Variants in UQCRC2 observed in about 807,000 individuals in gnomAD.
UQCRC2 encodes cytochrome b-c1 complex subunit 2, mitochondrial.
UQCRC2 carries 49 observed loss-of-function variants against 55.6 expected under a neutral mutation model. The ratio of observed to expected loss-of-function variants is 0.88; its 90% confidence interval spans 0.70 to 1.12. The LOEUF (loss-of-function observed/expected upper bound fraction) is 1.12, where lower values mean the gene tolerates loss of function less well. Ranked by LOEUF, UQCRC2 falls within the 50% of genes most tolerant of loss-of-function variation. The pLI is 0.00. For synonymous variants in UQCRC2, 193 were observed against 192.0 expected, an observed-to-expected ratio of 1.01 and a Z score of -0.04; for missense variants, 506 against 547.8, an observed-to-expected ratio of 0.92 and a Z score of 0.76.
At chr16:21,955,956 G>A (rs1183896401) in intron 1 of UQCRC2, among the ~76,000 whole-genome samples, 2 of 152,086 alleles carry the variant, frequency 1.3e-5, no homozygotes, top group African/African-American at 4.8e-5. Context: ...CTCCCCAGTA[G>A]CTGGGATTAC....
chr16:21,968,513 C>T lies in UQCRC2; in HGVS notation c.613-115C>T, dbSNP rs181926858. On this transcript the variant is annotated intron_variant, in intron 7 of 13. Transcript: ENST00000268379. ...TCAGTTAGTACCTTGTAGTTCATTA[C>T]AGCAACTTATAAGGCCTTATAAGTA... is the stretch of plus-strand genomic sequence containing the variant. 1.1e-5 allele frequency: 9 copies of T among 838,158 alleles called. No individual in the cohort carries two copies. In the Admixed American group the frequency reaches 2.4e-4, roughly 22 times the overall value. The allele number at this position is 838,158 out of a possible 1,614,324, so 51.9% of individuals were successfully genotyped here. A position where few individuals can be genotyped will look rare whatever the true frequency, so the allele number is the denominator to read the frequency against.
At chr16:21,972,313 T>A (rs1373529317) in intron 10 of UQCRC2, among the ~76,000 whole-genome samples, 191 bp downstream of exon 10, 1 of 152,214 alleles carries the variant, frequency 6.6e-6, no homozygotes, top group African/African-American at 2.4e-5. Flanking sequence ...CCACTTTGTC[T>A]ATTACTTGTC....
At chr16:21,980,859 G>A (rs545897565) in intron 13 of UQCRC2, among the ~76,000 whole-genome samples, 159 bp downstream of exon 13, 8 of 152,186 alleles carry the variant, frequency 5.3e-5, no homozygotes, top group South Asian at 2.1e-4. Context: ...CATAAGATCC[G>A]CAACAAGCTT....
At chr16:21,983,019 T>C in intron 13 of UQCRC2, 69 bp from the exon 14 acceptor site, 1 of 1,261,102 alleles carries the variant, frequency 7.9e-7, no homozygotes, top group Non-Finnish European at 1.1e-6. Context: ...AATGACAAAA[T>C]AAGTTCGCCT....
rs2141923252 is a variant in UQCRC2, at chr16:21,953,455, C to T, written c.32C>T (p.Ser11Leu). Residue 11 changes from serine (S) to leucine (L), a missense_variant and splice_region_variant, in exon 1 of 14, where the codon TCG becomes TTG. Ser to Leu is a moderately radical substitution (Grantham distance 145, BLOSUM62 -2). Transcript: ENST00000268379. ...CTACTAACCAGAGCCGGCTCTTTCTCGGTGAGCTCAGGTGGCGGGTTTGGG... is the reference window on the plus strand; with the variant it reads ...CTACTAACCAGAGCCGGCTCTTTCTTGGTGAGCTCAGGTGGCGGGTTTGGG... The part of the protein sequence containing the change: MKLLTRAGSF[S>L]RFYSLKVAPK... 2 of 1,612,858 alleles carry T rather than the reference C, an allele frequency of 1.2e-6. No individual in the cohort carries two copies. The highest frequency in any genetic ancestry group is 1.7e-6 in the Non-Finnish European group (2 of 1,179,452).
At chr16:21,955,983 G>A (rs1011593132) in intron 1 of UQCRC2, among the ~76,000 whole-genome samples, 1 of 151,926 alleles carries the variant, frequency 6.6e-6, no homozygotes, top group Admixed American at 6.6e-5. Flanking sequence ...GCATCACCAC[G>A]CCCCGCTTAT....
intron 12 of UQCRC2, among the ~76,000 whole-genome samples, chr16:21,978,556 T>A (rs1329289176): frequency 1.3e-5 from 2 of 152,152 alleles, no homozygotes; most frequent in Non-Finnish European, 2.9e-5. Context: ...CACAGACAAA[T>A]CTCAGCAAGA....
chr16:21,983,509 T>G lies in UQCRC2; in HGVS notation c.*338T>G. The G allele has an allele frequency of 3.0e-6, 1 of 328,128 alleles. No individual in the cohort carries two copies. 20.3% of individuals were successfully genotyped at this position (328,128 alleles called of 1,614,324 possible). ...GCTAAGTGGCTATCGGGGTAAATAG[T>G]GCCAGATTACTATTGGTGGCGTTTA... On this transcript the variant is annotated 3_prime_UTR_variant, in exon 14 of 14. Transcript: ENST00000268379.
chr16:21,963,489 A>G (rs1350597036), intron 6 of UQCRC2, among the ~76,000 whole-genome samples: 1 of 150,590 alleles, frequency 6.6e-6, no homozygotes, highest in Non-Finnish European at 1.5e-5. Context: ...TTTGTTTTTG[A>G]GACAGGGTGT....
intron 10 of UQCRC2, 144 bp downstream of exon 10, chr16:21,972,266 GT>G: frequency 8.9e-7 from 1 of 1,126,564 alleles, no homozygotes; most frequent in Non-Finnish European, 1.2e-6. Context: ...CTTGATTTTA[GT>G]ATCTTTGAAG....
At chr16:21,981,600 CA>C (rs1348669187) in intron 13 of UQCRC2, among the ~76,000 whole-genome samples, 4 of 151,720 alleles carry the variant, frequency 2.6e-5, no homozygotes, top group Non-Finnish European at 5.9e-5. Context: ...CAAAAAAGTA[CA>C]AAAATTAGCT....
chr16:21,958,836 T>C (rs1898137200), intron 4 of UQCRC2, among the ~76,000 whole-genome samples: 1 of 152,174 alleles, frequency 6.6e-6, no homozygotes. Context: ...ATGTTGCAGG[T>C]TCTGTTCCAG....
rs1475987515 is a variant in UQCRC2, at chr16:21,957,497, A to C, written c.198A>C (p.Lys66Asn). 1.9e-6 allele frequency: 3 copies of C among 1,614,100 alleles called. No individual in the cohort carries two copies. Among genetic ancestry groups the C allele is most frequent in the Non-Finnish European group, 1.7e-6 (2 of 1,180,038 alleles). ...TATCAAGAATTGGTTTGTTCATTAA[A>C]GCAGGCAGTAGATATGAGGACTTCA... ...SPVSRIGLFI[K>N]AGSRYEDFSN... The change falls in exon 3 of 14, where the codon AAA becomes AAC. Residue 66 changes from lysine to asparagine, a missense_variant. Lys to Asn is a moderately conservative substitution (Grantham distance 94). Transcript: ENST00000268379.
rs148955133 is a variant in UQCRC2, at chr16:21,961,307, G to A, written c.333-1153G>A. The stretch of plus-strand genomic sequence containing the variant: ...GGTATTCTTTATAAAGACTGGAAAC[G>A]ATCTAAGTGTCCATCTTTAGGGAAA... On this transcript the variant is annotated intron_variant, in intron 4 of 13. Transcript: ENST00000268379. 7.5e-4 allele frequency: 335 copies of A among 447,410 alleles called. 4 individuals carry two copies. The highest frequency in any genetic ancestry group is 6.3e-3 in the African/African-American group (316 of 49,814). 27.7% of individuals were successfully genotyped at this position (447,410 alleles called of 1,614,324 possible).
intron 1 of UQCRC2, among the ~76,000 whole-genome samples, chr16:21,953,801 C>G (rs1483811766): frequency 3.3e-5 from 5 of 152,156 alleles, no homozygotes; most frequent in Non-Finnish European, 7.4e-5. Flanking sequence ...CACTTAGCCC[C>G]CCACCTTCAC....
intron 1 of UQCRC2, among the ~76,000 whole-genome samples, chr16:21,954,426 T>C (rs556053835): frequency 6.6e-6 from 1 of 152,314 alleles, no homozygotes; most frequent in Admixed American, 6.5e-5. Context: ...GCTATATCGA[T>C]TTAGGCTGTA....
rs1473326938 is a variant in UQCRC2 at position 21,957,162 on chromosome 16, C to T, written c.34-73C>T. Reference sequence around the variant, plus strand: ...GAACACCCTCTGTCGCTTGGGTACCCTAAGATACCATGCTTTTATATAAAG... The same window carrying T: ...GAACACCCTCTGTCGCTTGGGTACCTTAAGATACCATGCTTTTATATAAAG... On this transcript the variant is annotated intron_variant, in intron 1 of 13. Coordinates refer to ENST00000268379, the MANE Select transcript of UQCRC2 (RefSeq NM_003366.4). 2.7e-6 allele frequency: 4 copies of T among 1,485,030 alleles called. No individual in the cohort carries two copies. The East Asian group carries it at 9.5e-5, about 35-fold the overall frequency. The allele number at this position is 1,485,030 out of a possible 1,614,324, so 92.0% of individuals were successfully genotyped here.
chr16:21,955,232 G>A (rs1898069609), intron 1 of UQCRC2, among the ~76,000 whole-genome samples: 4 of 152,058 alleles, frequency 2.6e-5, no homozygotes, highest in Admixed American at 2.6e-4. Context: ...TTACAAAGAA[G>A]GTTAACTATA....
chr16:21,983,543 G>A lies in UQCRC2; in HGVS notation c.*372G>A. On this transcript the variant is annotated 3_prime_UTR_variant, in exon 14 of 14. Transcript: ENST00000268379. ...ACTATTGGTGGCGTTTAAGATGAAAGCAAGTTCAAAATTTGTCATTTTGGG... is the reference window on the plus strand; with the variant it reads ...ACTATTGGTGGCGTTTAAGATGAAAACAAGTTCAAAATTTGTCATTTTGGG... 1 of 272,910 alleles carries A rather than the reference G, an allele frequency of 3.7e-6. No homozygotes were observed. The highest frequency in any genetic ancestry group is 5.2e-5 in the Admixed American group (1 of 19,222). The allele number at this position is 272,910 out of a possible 1,614,324, so 16.9% of individuals were successfully genotyped here.
Sources: gnomAD v4.1 joint callset for allele counts (sites outside exome capture counted in the v4.1 genomes callset) on GRCh38, gnomAD v4.1.1 for gene constraint, MANE v1.5 for transcripts, NCBI Gene and HGNC (gene_info 2026-07-23, HGNC 2026-07-21) for gene names.